DCTN1: variants seen among roughly 807,000 people sequenced by gnomAD.
DCTN1 encodes the protein 150 kDa dynein-associated polypeptide.
In DCTN1, 61 loss-of-function variants were observed where a neutral mutation model predicts 161.2. That is an observed-to-expected ratio of 0.38 (90% CI 0.31 to 0.47). DCTN1 has a LOEUF of 0.47. Ranked by LOEUF, DCTN1 falls within the 20% of genes least tolerant of loss-of-function variation. The probability of loss-of-function intolerance (pLI) is 0.99; values close to 1 mark genes in which losing one functional copy is unlikely to be tolerated. For synonymous variants in DCTN1, 653 were observed against 632.4 expected (o/e 1.03, Z -0.49); for missense variants, 1,404 against 1,623.7 (o/e 0.86, Z 2.33).
At position 74,366,836 on chromosome 2, in the gene DCTN1, T is replaced by C. The variant is rs755946834; in HGVS notation, c.2413A>G (p.Met805Val). ...ATCCCAGGAGCATCTGTCCCTGGCA[T>C]TCGCCTTCGGATCTTCTTGCAGAAC... ...RQFCKKIRRRMPGTDAPGIPA... is the reference protein window; with the variant it reads ...RQFCKKIRRRVPGTDAPGIPA... The change falls in exon 21 of 32, where the codon ATG becomes GTG. Residue 805 changes from methionine (M) to valine (V), a missense_variant. Coordinates refer to ENST00000628224, the MANE Select transcript of DCTN1 (RefSeq NM_004082.5). 6.2e-7 allele frequency: 1 copy of C among 1,614,254 alleles called. No homozygotes were observed. The highest frequency in any genetic ancestry group is 8.5e-7 in the Non-Finnish European group (1 of 1,180,032).
chr2:74,376,819 T>C, intron 4 of DCTN1, 57 bp from the exon 5 acceptor site: 1 of 1,551,348 alleles, frequency 6.4e-7, no homozygotes, highest in Non-Finnish European at 8.8e-7. Context: ...GGCATAGGTG[T>C]TAAGACCAAC....
intron 1 of DCTN1, chr2:74,378,863 T>C (rs1675374102): frequency 6.4e-6 from 1 of 157,414 alleles, no homozygotes; most frequent in African/African-American, 2.4e-5. Flanking sequence ...AAACCCCAGA[T>C]GCTTCACCAC....
rs72659386 is a variant in DCTN1 at position 74,362,007 on chromosome 2, G to A, written c.3699+45C>T. ...TTCTGGAGGAGAGGGGGGCCCGCCT[G>A]AGCTCTCCACACTGTCCCATCCTCC... On this transcript the variant is annotated intron_variant, in intron 31 of 31. Coordinates refer to ENST00000628224, the MANE Select transcript of DCTN1 (RefSeq NM_004082.5). 2.5e-6 allele frequency: 4 copies of A among 1,593,140 alleles called. No homozygotes were observed. The East Asian group carries it at 6.7e-5, about 27-fold the overall frequency.
chr2:74,383,000 G>C (rs934544562), upstream of DCTN1, among the ~76,000 whole-genome samples: 1 of 151,534 alleles, frequency 6.6e-6, no homozygotes, highest in Non-Finnish European at 1.5e-5. Context: ...GCGTGAACCC[G>C]GGAAGCGGAG....
rs201820150 is a variant in DCTN1 at position 74,374,305 on chromosome 2, G to A, written c.432+18C>T. The A allele has an allele frequency of 1.2e-5, 19 of 1,590,986 alleles. No homozygotes were observed. Among genetic ancestry groups the A allele is most frequent in the Admixed American group, 6.8e-5 (4 of 59,176 alleles). On this transcript the variant is annotated intron_variant, in intron 6 of 31. Transcript: ENST00000628224. ...TGCCCTGGCAACCCAGCAGCAGGAC[G>A]AGAGCAAGCAAGAGTACCTTTCGGG...
chr2:74,362,232 AG>A, intron 30 of DCTN1, 91 bp from the exon 31 acceptor site: 3 of 1,129,716 alleles, frequency 2.7e-6, no homozygotes, highest in Non-Finnish European at 4.0e-6. Context: ...CACTAATACC[AG>A]GGGGGCAGGG....
At chr2:74,381,026 C>A (rs1190743003), upstream of DCTN1, among the ~76,000 whole-genome samples, 2 of 152,242 alleles carry the variant, frequency 1.3e-5, no homozygotes, top group African/African-American at 4.8e-5. Flanking sequence ...CTCCTAGCAT[C>A]TCAGACCCAA....
At chr2:74,382,153 C>G (rs1675537944), upstream of DCTN1, among the ~76,000 whole-genome samples, 1 of 152,202 alleles carries the variant, frequency 6.6e-6, no homozygotes, top group African/African-American at 2.4e-5. Flanking sequence ...TTCAAAAGAG[C>G]TCAGATCTAA....
chr2:74,362,601 C>T (rs1674090549), intron 30 of DCTN1, 49 bp downstream of exon 30: 1 of 1,590,038 alleles, frequency 6.3e-7, no homozygotes, highest in Non-Finnish European at 8.6e-7. Context: ...GTGCCTGGCT[C>T]CACCAGTTTA....
At chr2:74,386,784 C>G (rs1443299788) in intron 1 of DCTN1, 1 of 152,166 alleles carries the variant, frequency 6.6e-6, no homozygotes, top group Admixed American at 6.5e-5. Context: ...TTCCAACATT[C>G]CTCTTTAAAG....
At chr2:74,391,863 C>CGGCCCCGCCCT (rs1416738861) in exon 1 of DCTN1, 1 of 453,048 alleles carries the variant, frequency 2.2e-6, no homozygotes, top group Admixed American at 2.4e-5. Context: ...CCTGCGGGGC[C>CGGCCCCGCCCT]GGCCCCGCCC....
At position 74,364,850 on chromosome 2, in the gene DCTN1, C is replaced by T. The variant is rs1674282698; in HGVS notation, c.3196+225G>A. The T allele has an allele frequency of 5.0e-6, 3 of 600,182 alleles. No homozygotes were observed. In the Admixed American group the frequency reaches 8.0e-5, roughly 16 times the overall value. The allele number at this position is 600,182 out of a possible 1,614,324, so 37.2% of individuals were successfully genotyped here. The stretch of plus-strand genomic sequence containing the variant: ...ACCAACTGTCATCATTATTCTGAGC[C>T]TCATTAACAATTTAGTAATGCCCTC... On this transcript the variant is annotated intron_variant, in intron 26 of 31. Coordinates refer to ENST00000628224, the MANE Select transcript of DCTN1 (RefSeq NM_004082.5).
rs778298396 is a variant in DCTN1, at chr2:74,363,600, G to C, written c.3211+14C>G. On this transcript the variant is annotated intron_variant, in intron 27 of 31. Transcript: ENST00000628224. Reference sequence around the variant, plus strand: ...CCACCAGCCTGGTAACCCCCGGCCAGAGTGGGTCTCTACCTCGCTGCTGTT... The same window carrying C: ...CCACCAGCCTGGTAACCCCCGGCCACAGTGGGTCTCTACCTCGCTGCTGTT... 38 of 1,613,356 alleles carry C rather than the reference G, an allele frequency of 2.4e-5. No individual in the cohort carries two copies. The highest frequency in any genetic ancestry group is 3.3e-5 in the Admixed American group (2 of 59,928).
In DCTN1 at chr2:74,371,187, G is replaced by C. The variant is rs13017272; in HGVS notation, c.646-11C>G. 3 of 1,612,754 alleles carry C rather than the reference G, an allele frequency of 1.9e-6. No individual in the cohort carries two copies. In the East Asian group the frequency reaches 6.7e-5, roughly 36 times the overall value. On this transcript the variant is annotated splice_polypyrimidine_tract_variant and intron_variant, in intron 8 of 31. Transcript: ENST00000628224. ...TAGTCCCTCCTCCTCCTGCAAAGGA[G>C]AGGCCTCACGGTCTGTGCACAGCCC...
At chr2:74,363,817 G>A in intron 26 of DCTN1, 189 bp from the exon 27 acceptor site, 1 of 758,236 alleles carries the variant, frequency 1.3e-6, no homozygotes, top group Non-Finnish European at 2.3e-6. Context: ...AAGTGTTAAA[G>A]AAAGACACCA....
chr2:74,385,613 C>T (rs1675692987), intron 1 of DCTN1: 1 of 152,230 alleles, frequency 6.6e-6, no homozygotes, highest in Admixed American at 6.5e-5. Flanking sequence ...GCATTCCATC[C>T]TTTCTCTTTT....
chr2:74,376,558 G>C (rs1675236894), intron 5 of DCTN1, among the ~76,000 whole-genome samples, 184 bp downstream of exon 5: 1 of 152,198 alleles, frequency 6.6e-6, no homozygotes, highest in South Asian at 2.1e-4. Context: ...ACCTGGGTAT[G>C]GACACTGAGC....
At position 74,363,148 on chromosome 2, in the gene DCTN1, G is replaced by C. The variant is rs921121555; in HGVS notation, c.3375C>G (p.Ser1125=). ...GCTTTGCAACATGCAGAGGGGGCAGGGATGCCAAGGATGCCTTCATCTGGG... is the reference window on the plus strand; with the variant it reads ...GCTTTGCAACATGCAGAGGGGGCAGCGATGCCAAGGATGCCTTCATCTGGG... ...KGAQMKASLA[S]LPPLHVAKLS... The change falls in exon 29 of 32, where the codon TCC becomes TCG. Residue 1125 remains serine, a synonymous_variant. Transcript: ENST00000628224. 6.2e-7 allele frequency: 1 copy of C among 1,614,138 alleles called. No individual in the cohort carries two copies. The highest frequency in any genetic ancestry group is 8.5e-7 in the Non-Finnish European group (1 of 1,180,020).
At position 74,380,211 on chromosome 2, in the gene DCTN1, G is replaced by C. The variant is rs1357051863; in HGVS notation, c.-174C>G. The C allele has an allele frequency of 5.6e-6, 4 of 714,788 alleles. No homozygotes were observed. The highest frequency in any genetic ancestry group is 1.0e-5 in the Non-Finnish European group (4 of 401,198). The allele number at this position is 714,788 out of a possible 1,614,324, so 44.3% of individuals were successfully genotyped here. ...TCGGTGGCCTACACGGGTAGGGGTG[G>C]GGGCAGTGATGGGGGCTGAGGAGCA... is the stretch of plus-strand genomic sequence containing the variant. On this transcript the variant is annotated 5_prime_UTR_variant, in exon 1 of 32. Transcript: ENST00000628224.
Sources: allele counts gnomAD v4.1 joint callset (sites outside exome capture counted in the v4.1 genomes callset), GRCh38; gene constraint gnomAD v4.1.1; transcripts MANE v1.5; gene names NCBI Gene and HGNC (gene_info 2026-07-23, HGNC 2026-07-21).